PLEKHA4: variants seen among roughly 807,000 people sequenced by gnomAD.
PLEKHA4 encodes the protein pleckstrin homology domain-containing family A member 4.
In PLEKHA4, 73 loss-of-function variants were observed where a neutral mutation model predicts 94.7. The ratio of observed to expected loss-of-function variants is 0.77; its 90% CI spans 0.64 to 0.94. The LOEUF is 0.94. Ranked by LOEUF, PLEKHA4 falls within the 40% of genes least tolerant of loss-of-function variation. PLEKHA4 has a pLI of 0.00. For synonymous variants in PLEKHA4, 449 were observed against 437.1 expected (o/e 1.03, Z -0.34); for missense variants, 1,049 against 1,054.1 (o/e 1.00, Z 0.07).
intron 17 of PLEKHA4, 104 bp from the exon 18 acceptor site, chr19:48,839,367 AAC>A: frequency 1.1e-5 from 7 of 642,402 alleles, no homozygotes; most frequent in Non-Finnish European, 1.8e-5. Context: ...ATTGCCCAAA[AAC>A]ACTGGCAATG....
intron 16 of PLEKHA4, 124 bp downstream of exon 16, chr19:48,845,246 T>C: frequency 1.1e-6 from 1 of 905,104 alleles, no homozygotes; most frequent in Non-Finnish European, 1.7e-6. Flanking sequence ...TCAATGCTCT[T>C]AACAAGCAGT....
At chr19:48,850,921 C>T (rs2036160542) in intron 13 of PLEKHA4, among the ~76,000 whole-genome samples, 1 of 151,992 alleles carries the variant, frequency 6.6e-6, no homozygotes, top group Admixed American at 6.6e-5. Context: ...GGGTGGATCA[C>T]CTGAGGTCAG....
chr19:48,846,451 C>CA (rs2035975322), intron 14 of PLEKHA4, among the ~76,000 whole-genome samples: 1 of 151,820 alleles, frequency 6.6e-6, no homozygotes, highest in Non-Finnish European at 1.5e-5. Context: ...GACTCCATCT[C>CA]AAAAAACAAA....
chr19:48,843,323 C>T (rs994420200), intron 16 of PLEKHA4, among the ~76,000 whole-genome samples: 1 of 151,746 alleles, frequency 6.6e-6, no homozygotes, highest in Non-Finnish European at 1.5e-5. Context: ...GGATTACAGG[C>T]ATGTGCCACC....
chr19:48,837,103 T>C lies in PLEKHA4; in HGVS notation c.*186A>G, dbSNP rs2035554319. On this transcript the variant is annotated 3_prime_UTR_variant, in exon 20 of 20. Coordinates refer to ENST00000263265, the MANE Select transcript of PLEKHA4 (RefSeq NM_020904.3). The surrounding 1 kb of genome is among the most constrained non-coding windows in gnomAD (Gnocchi z 4.3). ...CAGAAAGAAAGCTATTGACTAAAAG[T>C]TCAAAGTTTTAATCCAAATTTAGAC... The C allele has an allele frequency of 1.3e-6, 1 of 758,354 alleles. No homozygotes were observed. Among genetic ancestry groups the C allele is most frequent in the Admixed American group, 2.8e-5 (1 of 36,088 alleles). 47.0% of individuals were successfully genotyped at this position (758,354 alleles called of 1,614,324 possible). A position where few individuals can be genotyped will look rare whatever the true frequency, so the allele number is the denominator to read the frequency against.
At chr19:48,860,300 A>T in intron 6 of PLEKHA4, 50 bp downstream of exon 6, 1 of 1,498,088 alleles carries the variant, frequency 6.7e-7, no homozygotes, top group Non-Finnish European at 9.3e-7. Flanking sequence ...TGGGATGACG[A>T]GACTGACTCA....
intron 13 of PLEKHA4, among the ~76,000 whole-genome samples, 192 bp downstream of exon 13, chr19:48,852,036 A>G (rs2036212763): frequency 6.6e-6 from 1 of 152,180 alleles, no homozygotes; most frequent in African/African-American, 2.4e-5. Flanking sequence ...TTTTAATGAG[A>G]GAATTTAAAA....
Position 48,860,244 on chromosome 19 carries a change from C to T in PLEKHA4, c.476+106G>A. 11 of 920,646 alleles carry T rather than the reference C, an allele frequency of 1.2e-5. No individual in the cohort carries two copies. The South Asian group carries it at 1.6e-4, about 14-fold the overall frequency. 57.0% of individuals were successfully genotyped at this position (920,646 alleles called of 1,614,324 possible). ...AAGACGAGGCGCCTTAGCTAGAAGACTGGTGATTGGACACTCAAGGGGGCA... is the reference window on the plus strand; with the variant it reads ...AAGACGAGGCGCCTTAGCTAGAAGATTGGTGATTGGACACTCAAGGGGGCA... On this transcript the variant is annotated intron_variant, in intron 6 of 19. Coordinates refer to ENST00000263265, the MANE Select transcript of PLEKHA4 (RefSeq NM_020904.3).
chr19:48,864,714 C>T (rs887999910), intron 3 of PLEKHA4, among the ~76,000 whole-genome samples: 2 of 151,976 alleles, frequency 1.3e-5, no homozygotes, highest in African/African-American at 2.4e-5. Context: ...GCGCACACCA[C>T]CACGCTCAGC....
At chr19:48,839,109 C>G (rs17272645) in intron 18 of PLEKHA4, 96 bp downstream of exon 18, 110,302 of 783,482 alleles carry the variant, frequency 0.14, 8,948 homozygotes, top group African/African-American at 0.26. Context: ...GCGATTTGTA[C>G]TTCCATATTC....
chr19:48,840,965 T>C (rs2035740125), intron 17 of PLEKHA4, among the ~76,000 whole-genome samples, 184 bp downstream of exon 17: 1 of 136,932 alleles, frequency 7.3e-6, no homozygotes, highest in Admixed American at 7.6e-5. Flanking sequence ...CTGCCACTCC[T>C]GTCCACCCAC....
chr19:48,867,104 C>T lies in PLEKHA4; in HGVS notation c.84+433G>A, dbSNP rs887175061. ...CTCCCTAAGCTTTTGGCTGGGATGCCGATTTGGGATGCAAGTATCTGGAGG... is the reference window on the plus strand; with the variant it reads ...CTCCCTAAGCTTTTGGCTGGGATGCTGATTTGGGATGCAAGTATCTGGAGG... On this transcript the variant is annotated intron_variant, in intron 2 of 19. Coordinates refer to ENST00000263265, the MANE Select transcript of PLEKHA4 (RefSeq NM_020904.3). This position sits in a 1 kb window ranked among gnomAD's most constrained non-coding sequence, Gnocchi z 4.7. Among the ~76,000 whole-genome samples, 1 of 152,082 alleles carries T rather than the reference C, an allele frequency of 6.6e-6. No individual in the cohort carries two copies. Among genetic ancestry groups the T allele is most frequent in the Non-Finnish European group, 1.5e-5 (1 of 68,026 alleles).
chr19:48,855,815 TA>T (rs1039044971), intron 9 of PLEKHA4, among the ~76,000 whole-genome samples: 2 of 147,566 alleles, frequency 1.4e-5, no homozygotes, highest in Non-Finnish European at 3.0e-5. Context: ...TTTTTTAATT[TA>T]AAAAAAAACA....
intron 16 of PLEKHA4, among the ~76,000 whole-genome samples, chr19:48,841,525 G>A (rs961336481): frequency 1.3e-5 from 2 of 152,096 alleles, no homozygotes; most frequent in Admixed American, 6.6e-5. Context: ...TACTCAGGAG[G>A]CTGAGGCAGG....
At chr19:48,865,386 G>C (rs1475742093) in intron 3 of PLEKHA4, 117 bp downstream of exon 3, 1 of 661,766 alleles carries the variant, frequency 1.5e-6, no homozygotes, top group Non-Finnish European at 2.7e-6. Flanking sequence ...GACGGACTAA[G>C]GGGAGGGGCA....
At chr19:48,852,442 C>G in intron 12 of PLEKHA4, 116 bp from the exon 13 acceptor site, 1 of 748,322 alleles carries the variant, frequency 1.3e-6, no homozygotes, top group Non-Finnish European at 2.3e-6. Context: ...TGGAGCCCTG[C>G]AGGCGTATGG....
In PLEKHA4 at chr19:48,837,280, T is replaced by G; in HGVS notation, c.*9A>C. On this transcript the variant is annotated 3_prime_UTR_variant, in exon 20 of 20. Coordinates refer to ENST00000263265, the MANE Select transcript of PLEKHA4 (RefSeq NM_020904.3). This position sits in a 1 kb window ranked among gnomAD's most constrained non-coding sequence, Gnocchi z 4.3. ...CTCGCGCTCCGATTGGCTGCCGCTTTTGGGCGGATTAGAAGCTGGATTGTA... is the reference window on the plus strand; with the variant it reads ...CTCGCGCTCCGATTGGCTGCCGCTTGTGGGCGGATTAGAAGCTGGATTGTA... 1 of 1,613,906 alleles carries G rather than the reference T, an allele frequency of 6.2e-7. No homozygotes were observed. The highest frequency in any genetic ancestry group is 8.5e-7 in the Non-Finnish European group (1 of 1,179,964).
In PLEKHA4 at chr19:48,838,040, G is replaced by A. The variant is rs2035605528; in HGVS notation, c.2054C>T (p.Ser685Leu). The change falls in exon 19 of 20, where the codon TCG (serine) becomes TTG (leucine). Residue 685 changes from serine (S) to leucine (L), a missense_variant. Transcript: ENST00000263265. ...ACCTGTCATCATTCTGTGCCACTGC[G>A]ACGCCTCAGTAGCCAGGGCTTGGGA... Reference protein sequence around the residue: ...SLSQALATEASQWHRMMTGGN... With the variant: ...SLSQALATEALQWHRMMTGGN... 2 of 1,613,522 alleles carry A rather than the reference G, an allele frequency of 1.2e-6. No homozygotes were observed. Among genetic ancestry groups the A allele is most frequent in the Non-Finnish European group, 1.7e-6 (2 of 1,179,742 alleles).
rs533879535 is a variant in PLEKHA4 at position 48,843,836 on chromosome 19, T to C, written c.1743+1534A>G. Reference sequence around the variant, plus strand: ...CTACACCCGGCTAATTTTTGTATTTTTAGTAGAGATGGGTTTTTGCCACGT... The same window carrying C: ...CTACACCCGGCTAATTTTTGTATTTCTAGTAGAGATGGGTTTTTGCCACGT... On this transcript the variant is annotated intron_variant, in intron 16 of 19. Transcript: ENST00000263265. 5.9e-5 allele frequency among the ~76,000 whole-genome samples: 9 copies of C among 151,856 alleles called. No individual in the cohort carries two copies. In the South Asian group the frequency reaches 1.9e-3, roughly 32 times the overall value.
Sources: allele counts gnomAD v4.1 joint callset (sites outside exome capture counted in the v4.1 genomes callset), GRCh38; gene constraint gnomAD v4.1.1; non-coding constraint Gnocchi (gnomAD v3.1); transcripts MANE v1.5; gene names NCBI Gene and HGNC (gene_info 2026-07-23, HGNC 2026-07-21).